Variants in AFG1L observed in about 807,000 individuals in gnomAD.
AFG1L encodes AFG1 like ATPase, also known as AFG1-like ATPase.
AFG1L carries 53 observed loss-of-function variants against 62.2 expected under a neutral mutation model. The observed-to-expected ratio is 0.85, with a 90% CI of 0.68 to 1.07. The LOEUF is 1.07. AFG1L is among the 50% of genes least tolerant of loss of function. AFG1L has a pLI of 0.00. For synonymous variants in AFG1L, 228 were observed against 210.3 expected (o/e 1.08, Z -0.73); for missense variants, 555 against 590.5 (o/e 0.94, Z 0.62).
At chr6:108,474,602 T>C (rs1773036725) in intron 8 of AFG1L, among the ~76,000 whole-genome samples, 1 of 152,228 alleles carries the variant, frequency 6.6e-6, no homozygotes, top group Admixed American at 6.5e-5. Flanking sequence ...TGTTATCTCA[T>C]TGTGGTTTTG....
intron 6 of AFG1L, among the ~76,000 whole-genome samples, chr6:108,375,054 A>C (rs777828499): frequency 1.3e-5 from 2 of 152,008 alleles, no homozygotes; most frequent in Non-Finnish European, 2.9e-5. Flanking sequence ...CTCCTTGGTT[A>C]GATGTATTCG....
At chr6:108,441,701 T>TTA (rs1554198357) in intron 7 of AFG1L, among the ~76,000 whole-genome samples, 2 of 141,784 alleles carry the variant, frequency 1.4e-5, no homozygotes, top group Admixed American at 7.0e-5. Flanking sequence ...GAGGTTTATT[T>TTA]AAAAAAAAAA....
At chr6:108,514,420 TAAAATCCTTTACAGACAAGCA>T (rs1474051177) in intron 11 of AFG1L, among the ~76,000 whole-genome samples, 97 of 152,142 alleles carry the variant, frequency 6.4e-4, no homozygotes, top group Non-Finnish European at 1.6e-4. Context: ...GAAGGAGAAA[TAAAATCCTTTACAGACAAGCA>T]AATGCTGAGA....
At chr6:108,415,136 CAG>C (rs747549365) in intron 7 of AFG1L, among the ~76,000 whole-genome samples, 1 of 152,168 alleles carries the variant, frequency 6.6e-6, no homozygotes, top group Non-Finnish European at 1.5e-5. Context: ...AACAGACAAA[CAG>C]AGAGCCAAAT....
intron 1 of AFG1L, among the ~76,000 whole-genome samples, chr6:108,316,822 G>A (rs940689000): frequency 2.6e-5 from 4 of 152,062 alleles, no homozygotes; most frequent in African/African-American, 4.8e-5. Flanking sequence ...ATGAGCCACC[G>A]CGCTCGGCCC....
intron 1 of AFG1L, among the ~76,000 whole-genome samples, chr6:108,315,848 G>C (rs1301145899): frequency 6.6e-6 from 1 of 152,142 alleles, no homozygotes; most frequent in Admixed American, 6.5e-5. Flanking sequence ...AGGAGTTTAA[G>C]ACCAGCCTGG....
chr6:108,348,320 C>T (rs775943004), intron 3 of AFG1L, among the ~76,000 whole-genome samples: 15 of 152,184 alleles, frequency 9.9e-5, no homozygotes, highest in South Asian at 2.1e-4. Flanking sequence ...CCTCGTGATC[C>T]GCTCTCCTCG....
chr6:108,466,016 TAA>T (rs1772652243), intron 8 of AFG1L, among the ~76,000 whole-genome samples: 1 of 152,126 alleles, frequency 6.6e-6, no homozygotes, highest in African/African-American at 2.4e-5. Context: ...CACTATGGAT[TAA>T]GTCTTTTGTT....
At chr6:108,433,619 A>C (rs1771178043) in intron 7 of AFG1L, among the ~76,000 whole-genome samples, 1 of 128,830 alleles carries the variant, frequency 7.8e-6, no homozygotes, top group African/African-American at 3.0e-5. Flanking sequence ...TTTGAGATGG[A>C]TCTCACTCTG....
At chr6:108,366,608 T>C (rs750258093) in intron 6 of AFG1L, among the ~76,000 whole-genome samples, 3 of 151,424 alleles carry the variant, frequency 2.0e-5, no homozygotes, top group Non-Finnish European at 4.4e-5. Context: ...TCATATGTGC[T>C]TAGCAAAAAA....
At chr6:108,516,990 A>G (rs1468088424) in intron 11 of AFG1L, among the ~76,000 whole-genome samples, 3 of 152,206 alleles carry the variant, frequency 2.0e-5, no homozygotes, top group Non-Finnish European at 4.4e-5. Context: ...CCACTGCTCA[A>G]TGAAATAAAA....
At chr6:108,476,970 T>C in intron 9 of AFG1L, 35 bp downstream of exon 9, 1 of 1,557,772 alleles carries the variant, frequency 6.4e-7, no homozygotes, top group Non-Finnish European at 8.9e-7. Flanking sequence ...AGAGAATACA[T>C]TTAGAACACA....
chr6:108,506,236 G>A (rs1308405524), intron 10 of AFG1L, among the ~76,000 whole-genome samples: 1 of 152,134 alleles, frequency 6.6e-6, no homozygotes, highest in African/African-American at 2.4e-5. Flanking sequence ...TTTGAGACAA[G>A]GTCTCTGTCG....
At chr6:108,456,947 C>T (rs1336816124) in intron 8 of AFG1L, among the ~76,000 whole-genome samples, 1 of 152,156 alleles carries the variant, frequency 6.6e-6, no homozygotes, top group Non-Finnish European at 1.5e-5. Flanking sequence ...CTATACCGTA[C>T]ACCACAAGTG....
intron 1 of AFG1L, among the ~76,000 whole-genome samples, chr6:108,309,413 T>G (rs1431535910): frequency 6.6e-6 from 1 of 152,214 alleles, no homozygotes; most frequent in East Asian, 1.9e-4. Flanking sequence ...AATATCTGGT[T>G]GTGTAAGTCC....
At chr6:108,302,895 A>G (rs1384364793) in intron 1 of AFG1L, among the ~76,000 whole-genome samples, 1 of 152,086 alleles carries the variant, frequency 6.6e-6, no homozygotes, top group African/African-American at 2.4e-5. Flanking sequence ...TGTTTATAGG[A>G]GTATACTTTG....
chr6:108,461,580 TGAGTAGCTGGGACTA>T (rs1440472476), intron 8 of AFG1L, among the ~76,000 whole-genome samples: 1 of 152,076 alleles, frequency 6.6e-6, no homozygotes, highest in Non-Finnish European at 1.5e-5. Flanking sequence ...CTCAGCCTAT[TGAGTAGCTGGGACTA>T]CAGGCACGTG....
intron 10 of AFG1L, among the ~76,000 whole-genome samples, chr6:108,494,260 G>C (rs192582767): frequency 1.3e-5 from 2 of 151,870 alleles, no homozygotes; most frequent in African/African-American, 4.8e-5. Flanking sequence ...GATGTGGCTT[G>C]TGTCTTGAGA....
intron 1 of AFG1L, among the ~76,000 whole-genome samples, chr6:108,296,513 A>G (rs1248530384): frequency 6.6e-6 from 1 of 152,158 alleles, no homozygotes; most frequent in Non-Finnish European, 1.5e-5. Flanking sequence ...GTATTCTTCC[A>G]GATATATTCT....
Sources: gnomAD v4.1 joint callset for allele counts (sites outside exome capture counted in the v4.1 genomes callset) on GRCh38, gnomAD v4.1.1 for gene constraint, MANE v1.5 for transcripts, NCBI Gene and HGNC (gene_info 2026-07-23, HGNC 2026-07-21) for gene names.